The following CCSER1 variants were observed in gnomAD, a reference collection of about 807,000 sequenced individuals.
CCSER1 encodes the protein serine-rich coiled-coil domain-containing protein 1.
In CCSER1, 41 loss-of-function variants were observed where a neutral mutation model predicts 82.0. That is an observed-to-expected ratio of 0.50 (90% CI 0.39 to 0.65). The LOEUF is 0.65. Ranked by LOEUF, CCSER1 falls within the 30% of genes least tolerant of loss-of-function variation. CCSER1 has a pLI of 0.00. For synonymous variants in CCSER1, 414 were observed against 383.9 expected (o/e 1.08, Z -0.92); for missense variants, 1,119 against 1,064.2 (o/e 1.05, Z -0.72).
chr4:91,306,784 C>A (rs994274110), intron 10 of CCSER1, among the ~76,000 whole-genome samples: 3 of 151,980 alleles, frequency 2.0e-5, no homozygotes, highest in Admixed American at 6.6e-5. Flanking sequence ...AACAGAGATA[C>A]AAATTGACCA....
At position 90,513,301 on chromosome 4, in the gene CCSER1, T is replaced by C. The variant is rs552370214; in HGVS notation, c.1724+44947T>C. The stretch of plus-strand genomic sequence containing the variant: ...TGGTGATGTACCATGGAATTTATGC[T>C]GTGCAAAGAGGGAAGGAAGACAGGT... On this transcript the variant is annotated intron_variant, in intron 5 of 10. Coordinates refer to ENST00000509176, the MANE Select transcript of CCSER1 (RefSeq NM_001145065.2). Among the ~76,000 whole-genome samples the C allele has an allele frequency of 2.0e-5, 3 of 152,294 alleles. No individual in the cohort carries two copies. In the South Asian group the frequency reaches 6.2e-4, roughly 32 times the overall value.
chr4:90,943,805 G>A (rs1024201921), intron 9 of CCSER1, among the ~76,000 whole-genome samples: 33 of 139,082 alleles, frequency 2.4e-4, no homozygotes, highest in African/African-American at 6.9e-4. Flanking sequence ...CAAACTACTG[G>A]CCTCAAAACA....
At chr4:91,160,660 G>A (rs184960917) in intron 10 of CCSER1, among the ~76,000 whole-genome samples, 6 of 152,110 alleles carry the variant, frequency 3.9e-5, no homozygotes, top group African/African-American at 1.2e-4. Flanking sequence ...TGATGAGCAT[G>A]TTTTCATATG....
At chr4:91,134,862 C>A (rs749812216) in intron 10 of CCSER1, among the ~76,000 whole-genome samples, 2 of 152,078 alleles carry the variant, frequency 1.3e-5, no homozygotes, top group African/African-American at 2.4e-5. Flanking sequence ...GAGATTGAGA[C>A]CATCCTGGCC....
chr4:91,185,944 C>T (rs1024033847), intron 10 of CCSER1, among the ~76,000 whole-genome samples: 3 of 152,176 alleles, frequency 2.0e-5, no homozygotes, highest in African/African-American at 4.8e-5. Flanking sequence ...ACTAAATGTG[C>T]TTTCCTGAAT....
At chr4:90,473,272 T>C (rs1423897551) in intron 5 of CCSER1, among the ~76,000 whole-genome samples, 1 of 152,196 alleles carries the variant, frequency 6.6e-6, no homozygotes, top group Non-Finnish European at 1.5e-5. Context: ...CATAACTCAA[T>C]GTCTGAATGA....
At chr4:90,385,200 G>A (rs916907681) in intron 3 of CCSER1, among the ~76,000 whole-genome samples, 10 of 152,036 alleles carry the variant, frequency 6.6e-5, no homozygotes, top group African/African-American at 2.2e-4. Flanking sequence ...TATAAGTGCA[G>A]GTGTCTTTTT....
intron 9 of CCSER1, among the ~76,000 whole-genome samples, chr4:90,980,758 T>A (rs1365649316): frequency 1.3e-5 from 2 of 151,604 alleles, no homozygotes; most frequent in Non-Finnish European, 3.0e-5. Context: ...AAGGAAGGAA[T>A]GCCACGATGA....
chr4:90,587,749 TA>T (rs1560767391), intron 5 of CCSER1, among the ~76,000 whole-genome samples: 1 of 152,230 alleles, frequency 6.6e-6, no homozygotes, highest in Admixed American at 6.5e-5. Flanking sequence ...ATCATTTCCT[TA>T]GATTATTTTG....
chr4:91,026,882 T>C (rs1277338642), intron 9 of CCSER1, among the ~76,000 whole-genome samples: 1 of 152,102 alleles, frequency 6.6e-6, no homozygotes, highest in Non-Finnish European at 1.5e-5. Flanking sequence ...AAAAACTGGA[T>C]GCATTTACGT....
chr4:90,892,448 C>T (rs538663395), intron 8 of CCSER1, among the ~76,000 whole-genome samples: 1 of 151,914 alleles, frequency 6.6e-6, no homozygotes, highest in African/African-American at 2.4e-5. Context: ...CTCCAGCTTT[C>T]CTTTGATTTA....
chr4:91,275,104 TAA>T (rs527417495), intron 10 of CCSER1, among the ~76,000 whole-genome samples: 4 of 143,304 alleles, frequency 2.8e-5, no homozygotes, highest in African/African-American at 2.5e-5. Flanking sequence ...AGACTCCGTC[TAA>T]AAAAAAAAAA....
chr4:91,195,136 G>C (rs1219328439), intron 10 of CCSER1, among the ~76,000 whole-genome samples: 2 of 152,230 alleles, frequency 1.3e-5, no homozygotes, highest in South Asian at 4.1e-4. Flanking sequence ...ATAGAAATAG[G>C]TTGTCCATGC....
chr4:90,234,429 C>CTGG (rs1745370257), intron 1 of CCSER1, among the ~76,000 whole-genome samples: 1 of 152,140 alleles, frequency 6.6e-6, no homozygotes, highest in South Asian at 2.1e-4. Flanking sequence ...GTTGGCCAGG[C>CTGG]TGGTCTTGGC....
At chr4:91,499,418 T>C (rs1368192397) in intron 10 of CCSER1, among the ~76,000 whole-genome samples, 1 of 152,012 alleles carries the variant, frequency 6.6e-6, no homozygotes, top group African/African-American at 2.4e-5. Context: ...GCCACCCCAC[T>C]GTGGACATCC....
intron 4 of CCSER1, among the ~76,000 whole-genome samples, chr4:90,433,105 T>C (rs28454111): frequency 0.018 from 2,685 of 152,200 alleles, 33 homozygotes; most frequent in African/African-American, 0.038. Context: ...CAGACATATA[T>C]GTATATTAAC....
chr4:90,653,364 G>C (rs1729132527), intron 6 of CCSER1, among the ~76,000 whole-genome samples: 1 of 151,882 alleles, frequency 6.6e-6, no homozygotes, highest in Admixed American at 6.6e-5. Context: ...GGAGTAGAGG[G>C]AAATAGTTGA....
intron 10 of CCSER1, among the ~76,000 whole-genome samples, chr4:91,536,096 G>A (rs1205732959): frequency 6.6e-6 from 1 of 152,044 alleles, no homozygotes; most frequent in Non-Finnish European, 1.5e-5. Context: ...AACATAAAAC[G>A]TTTGTGAAAT....
intron 7 of CCSER1, among the ~76,000 whole-genome samples, chr4:90,725,266 A>G (rs1461752139): frequency 1.3e-5 from 2 of 151,682 alleles, no homozygotes; most frequent in African/African-American, 4.8e-5. Flanking sequence ...TATTTTGACA[A>G]TGATTACAGT....
Sources: gnomAD v4.1 joint callset for allele counts (sites outside exome capture counted in the v4.1 genomes callset) on GRCh38, gnomAD v4.1.1 for gene constraint, MANE v1.5 for transcripts, NCBI Gene and HGNC (gene_info 2026-07-23, HGNC 2026-07-21) for gene names.